QTMAN: variants seen among roughly 807,000 people sequenced by gnomAD.
QTMAN encodes the protein tRNA-queuosine alpha-mannosyltransferase.
the QTMAN span, chr2:144,007,545 A>G: frequency 6.6e-7 from 1 of 1,524,054 alleles, no homozygotes; most frequent in Non-Finnish European, 8.8e-7. Flanking sequence ...TCTGTTACAA[A>G]AAAAGAATGC....
At chr2:144,007,050 T>C in the QTMAN span, 3 of 594,244 alleles carry the variant, frequency 5.0e-6, no homozygotes, top group South Asian at 2.5e-5. Flanking sequence ...TGGCAGATCA[T>C]TAGTAATACC....
the QTMAN span, among the ~76,000 whole-genome samples, chr2:143,969,112 C>T: frequency 6.6e-6 from 1 of 152,168 alleles, no homozygotes; most frequent in Non-Finnish European, 1.5e-5. Context: ...GTTTAATGAC[C>T]TCACAGCACT....
At chr2:144,310,196 G>GGGGAT in the QTMAN span, among the ~76,000 whole-genome samples, 1 of 152,118 alleles carries the variant, frequency 6.6e-6, no homozygotes, top group African/African-American at 2.4e-5. Context: ...CAGTCACCTG[G>GGGGAT]GGGATGAACA....
At chr2:144,139,229 A>G in the QTMAN span, among the ~76,000 whole-genome samples, 4 of 152,058 alleles carry the variant, frequency 2.6e-5, no homozygotes, top group Admixed American at 2.6e-4. Flanking sequence ...AGCTTTTAGG[A>G]GAGTAGTTCT....
the QTMAN span, among the ~76,000 whole-genome samples, chr2:144,258,129 T>A: frequency 6.8e-6 from 1 of 146,672 alleles, no homozygotes; most frequent in Non-Finnish European, 1.5e-5. Context: ...GGACAGGCAT[T>A]AAAAAAATGA....
At chr2:144,233,168 G>T in the QTMAN span, among the ~76,000 whole-genome samples, 6 of 152,002 alleles carry the variant, frequency 3.9e-5, no homozygotes, top group African/African-American at 1.4e-4. Context: ...ATATAATAAA[G>T]GCAAATATCA....
At chr2:144,050,992 T>C in the QTMAN span, among the ~76,000 whole-genome samples, 2 of 152,160 alleles carry the variant, frequency 1.3e-5, no homozygotes, top group African/African-American at 2.4e-5. Context: ...CAACTGTAAA[T>C]GTGATTATTA....
chr2:144,136,771 TG>T, the QTMAN span, among the ~76,000 whole-genome samples: 3 of 152,294 alleles, frequency 2.0e-5, no homozygotes, highest in African/African-American at 7.2e-5. Context: ...CAAAATTGCT[TG>T]ACTTTTCAAT....
chr2:144,246,579 CAAAAAAAAAA>C, the QTMAN span, among the ~76,000 whole-genome samples: 4 of 47,062 alleles, frequency 8.5e-5, no homozygotes, highest in South Asian at 2.6e-3. Context: ...GACTCCGTCT[CAAAAAAAAAA>C]AAAAAAAAAA....
the QTMAN span, among the ~76,000 whole-genome samples, chr2:143,959,990 ACAT>A: frequency 6.6e-6 from 1 of 152,114 alleles, no homozygotes; most frequent in Non-Finnish European, 1.5e-5. Context: ...GAAAAAGAAA[ACAT>A]CAGAGTGCGT....
chr2:143,969,451 A>G, the QTMAN span, among the ~76,000 whole-genome samples: 1 of 152,248 alleles, frequency 6.6e-6, no homozygotes, highest in African/African-American at 2.4e-5. Context: ...TGTGTCAAGC[A>G]CTGCAATGGG....
the QTMAN span, among the ~76,000 whole-genome samples, chr2:144,247,286 A>G: frequency 1.3e-5 from 2 of 152,248 alleles, no homozygotes; most frequent in Non-Finnish European, 2.9e-5. Context: ...TAAGTAGTTC[A>G]TAGAAGGTAT....
At chr2:144,177,085 C>CG in the QTMAN span, 1 of 541,390 alleles carries the variant, frequency 1.8e-6, no homozygotes, top group Non-Finnish European at 3.2e-6. Flanking sequence ...AGGACAGCAC[C>CG]AAAGGGGAAA....
chr2:143,995,582 T>C, the QTMAN span, among the ~76,000 whole-genome samples: 1 of 152,150 alleles, frequency 6.6e-6, no homozygotes, highest in African/African-American at 2.4e-5. Context: ...AGAGAGTAGA[T>C]AACTTGACTG....
At chr2:144,215,248 TTAA>T in the QTMAN span, among the ~76,000 whole-genome samples, 18 of 147,652 alleles carry the variant, frequency 1.2e-4, no homozygotes, top group African/African-American at 4.5e-4. Flanking sequence ...TCTTTATTTT[TTAA>T]AAAAAAAAAA....
At chr2:143,990,537 G>A in the QTMAN span, among the ~76,000 whole-genome samples, 1 of 152,200 alleles carries the variant, frequency 6.6e-6, no homozygotes, top group South Asian at 2.1e-4. Flanking sequence ...AGAAAAGAAT[G>A]CATGGGAGAG....
At chr2:143,968,865 C>G in the QTMAN span, among the ~76,000 whole-genome samples, 1 of 152,208 alleles carries the variant, frequency 6.6e-6, no homozygotes, top group Admixed American at 6.5e-5. Context: ...CAGGATCACA[C>G]TGGGATTACT....
chr2:144,282,828 A>C, the QTMAN span, among the ~76,000 whole-genome samples: 1 of 151,776 alleles, frequency 6.6e-6, no homozygotes, highest in African/African-American at 2.4e-5. Context: ...GTTCCACCCA[A>C]CTCCCATCCT....
chr2:144,066,257 T>C, the QTMAN span, among the ~76,000 whole-genome samples: 3 of 152,144 alleles, frequency 2.0e-5, no homozygotes, highest in African/African-American at 7.2e-5. Context: ...TTTACTGTAC[T>C]TTCTGGACTA....
Sources: gnomAD v4.1 joint callset for allele counts (sites outside exome capture counted in the v4.1 genomes callset) on GRCh38, gnomAD v4.1.1 for gene constraint, MANE v1.5 for transcripts, NCBI Gene and HGNC (gene_info 2026-07-23, HGNC 2026-07-21) for gene names.